Variants in TMC1 observed in about 807,000 individuals in gnomAD.
TMC1 encodes transmembrane channel like 1.
In TMC1, 84 loss-of-function variants were observed where a neutral mutation model predicts 105.8. The observed-to-expected ratio is 0.79, with a 90% CI of 0.67 to 0.95. The LOEUF (loss-of-function observed/expected upper bound fraction) is 0.95. TMC1 is among the 40% of genes least tolerant of loss of function. The pLI is 0.00. For missense variants in TMC1, 817 were observed against 914.1 expected, an observed-to-expected ratio of 0.89 and a Z score of 1.37; for synonymous variants, 315 against 311.5, an observed-to-expected ratio of 1.01 and a Z score of -0.12.
chr9:72,794,131 C>T (rs1464287486), intron 17 of TMC1, among the ~76,000 whole-genome samples: 1 of 152,064 alleles, frequency 6.6e-6, no homozygotes, highest in African/African-American at 2.4e-5. Flanking sequence ...GGACCCACAA[C>T]ATAGAACATC....
At chr9:72,829,695 G>T (rs1829011711) in intron 21 of TMC1, among the ~76,000 whole-genome samples, 1 of 152,190 alleles carries the variant, frequency 6.6e-6, no homozygotes, top group Non-Finnish European at 1.5e-5. Flanking sequence ...TCATTTTGGG[G>T]AGTAGAGGAA....
intron 1 of TMC1, among the ~76,000 whole-genome samples, chr9:72,560,736 C>T (rs1324529216): frequency 6.6e-6 from 1 of 151,510 alleles, no homozygotes; most frequent in African/African-American, 2.4e-5. Context: ...CGCCCGCCTC[C>T]GCCTCCCAAA....
At position 72,792,709 on chromosome 9, in the gene TMC1, AAAAC is replaced by A. The variant is rs527284756; in HGVS notation, c.1566+361_1566+364del. Among the ~76,000 whole-genome samples, 578 of 152,194 alleles carry A rather than the reference AAAAC, an allele frequency of 3.8e-3. 1 individual carries two copies. Among genetic ancestry groups the A allele is most frequent in the African/African-American group, 0.013 (555 of 41,540 alleles). ...CTATTTAGTGTTACTTGTTTGCTGT[AAAAC>A]AAAACAAAACAAAACAAACAAACAA... is the stretch of plus-strand genomic sequence containing the variant. On this transcript the variant is annotated intron_variant, in intron 17 of 23. Transcript: ENST00000297784.
chr9:72,822,061 C>T (rs1828884092), intron 20 of TMC1, among the ~76,000 whole-genome samples: 1 of 152,206 alleles, frequency 6.6e-6, no homozygotes, highest in Non-Finnish European at 1.5e-5. Context: ...TTCTCTATGA[C>T]AGAGCTCTCT....
chr9:72,624,175 T>C (rs1825304543), intron 3 of TMC1, among the ~76,000 whole-genome samples: 1 of 152,136 alleles, frequency 6.6e-6, no homozygotes, highest in South Asian at 2.1e-4. Flanking sequence ...TTATCTTTTG[T>C]AAGTGGGAGC....
intron 20 of TMC1, 72 bp downstream of exon 20, chr9:72,821,153 G>A (rs1354623722): frequency 6.9e-6 from 11 of 1,603,992 alleles, no homozygotes; most frequent in Non-Finnish European, 9.4e-6. Context: ...GTCATTCATT[G>A]TATAAGCTAT....
intron 2 of TMC1, among the ~76,000 whole-genome samples, chr9:72,595,019 C>G (rs886658781): frequency 2.0e-5 from 3 of 152,020 alleles, no homozygotes; most frequent in African/African-American, 7.3e-5. Context: ...GTGTGTGCCA[C>G]CACGCCCAGC....
intron 4 of TMC1, among the ~76,000 whole-genome samples, chr9:72,632,555 C>T (rs965712396): frequency 2.6e-5 from 4 of 151,968 alleles, no homozygotes; most frequent in African/African-American, 4.8e-5. Flanking sequence ...GAATGGAGTT[C>T]GAAGATACAT....
At chr9:72,835,275 C>T (rs1829103854) in intron 23 of TMC1, among the ~76,000 whole-genome samples, 1 of 152,122 alleles carries the variant, frequency 6.6e-6, no homozygotes, top group Admixed American at 6.6e-5. Flanking sequence ...GTTTTATGTC[C>T]ATCTTCACTC....
intron 5 of TMC1, among the ~76,000 whole-genome samples, chr9:72,655,323 G>A (rs1419010613): frequency 1.3e-5 from 2 of 152,132 alleles, no homozygotes; most frequent in Non-Finnish European, 2.9e-5. Flanking sequence ...CTTCATAGCA[G>A]CATGAGAATG....
intron 23 of TMC1, among the ~76,000 whole-genome samples, chr9:72,834,615 CG>C (rs1829092727): frequency 6.6e-6 from 1 of 152,146 alleles, no homozygotes; most frequent in East Asian, 1.9e-4. Context: ...AAAAACAACA[CG>C]GGTGGGGCTC....
At chr9:72,528,498 C>T (rs12349934) in intron 1 of TMC1, among the ~76,000 whole-genome samples, 10 of 151,944 alleles carry the variant, frequency 6.6e-5, no homozygotes, top group African/African-American at 1.5e-4. Flanking sequence ...CCATGCCTGG[C>T]GAATTTTGTA....
At chr9:72,603,386 TAC>T (rs10584160) in intron 2 of TMC1, among the ~76,000 whole-genome samples, 4,547 of 144,968 alleles carry the variant, frequency 0.031, 101 homozygotes, top group African/African-American at 0.06. Context: ...CTCTCCCCAC[TAC>T]ACACACACAC....
At chr9:72,666,484 T>G (rs1188663185) in intron 5 of TMC1, among the ~76,000 whole-genome samples, 1 of 152,152 alleles carries the variant, frequency 6.6e-6, no homozygotes, top group Admixed American at 6.5e-5. Flanking sequence ...TTTCCTATAC[T>G]AACCAAAAGG....
intron 5 of TMC1, among the ~76,000 whole-genome samples, chr9:72,673,351 G>C (rs1826153625): frequency 6.6e-6 from 1 of 152,000 alleles, no homozygotes. Context: ...TTAAAGACCA[G>C]AGCTGAAATC....
intron 17 of TMC1, among the ~76,000 whole-genome samples, chr9:72,796,855 A>G (rs1302380417): frequency 1.3e-5 from 2 of 152,132 alleles, no homozygotes; most frequent in Non-Finnish European, 2.9e-5. Flanking sequence ...TCAACATAGT[A>G]TTTGAAGTTC....
chr9:72,757,520 G>A (rs1049594544), intron 12 of TMC1, among the ~76,000 whole-genome samples: 3 of 152,080 alleles, frequency 2.0e-5, no homozygotes, highest in Non-Finnish European at 4.4e-5. Flanking sequence ...TCAGATTTTG[G>A]CATATTTCCG....
intron 2 of TMC1, among the ~76,000 whole-genome samples, chr9:72,593,069 A>G (rs905251980): frequency 6.6e-6 from 1 of 152,248 alleles, no homozygotes; most frequent in Non-Finnish European, 1.5e-5. Flanking sequence ...GAGTGAAGAT[A>G]GAATTTCTTT....
At chr9:72,797,225 C>T (rs1220865553) in intron 17 of TMC1, among the ~76,000 whole-genome samples, 2 of 151,962 alleles carry the variant, frequency 1.3e-5, no homozygotes, top group South Asian at 2.1e-4. Flanking sequence ...AGAGGACACA[C>T]ACAAATGGGA....
Sources: allele counts gnomAD v4.1 joint callset (sites outside exome capture counted in the v4.1 genomes callset), GRCh38; gene constraint gnomAD v4.1.1; transcripts MANE v1.5; gene names NCBI Gene and HGNC (gene_info 2026-07-23, HGNC 2026-07-21).